Variants in MXI1 observed in about 807,000 individuals in gnomAD.
MXI1 encodes max-interacting protein 1.
In MXI1, 18 loss-of-function variants were observed where a neutral mutation model predicts 36.9. That is an observed-to-expected ratio of 0.49 (90% CI 0.34 to 0.72). MXI1 has a LOEUF of 0.72. Ranked by LOEUF, MXI1 falls within the 30% of genes least tolerant of loss-of-function variation. The probability of loss-of-function intolerance (pLI) is 0.01; values close to 1 mark genes in which losing one functional copy is unlikely to be tolerated. For synonymous variants in MXI1, 160 were observed against 146.7 expected (o/e 1.09, Z -0.65); for missense variants, 304 against 379.1 (o/e 0.80, Z 1.64).
intron 1 of MXI1, among the ~76,000 whole-genome samples, chr10:110,227,168 TG>T (rs1416815735): frequency 3.2e-5 from 1 of 31,618 alleles, no homozygotes; most frequent in African/African-American, 1.3e-4. Flanking sequence ...CGCGCGTGTG[TG>T]GGGAGGGTCG....
At chr10:110,228,050 T>C in intron 1 of MXI1, 139 bp from the exon 2 acceptor site, 1 of 942,804 alleles carries the variant, frequency 1.1e-6, no homozygotes, top group Non-Finnish European at 1.6e-6. Flanking sequence ...ACATTAATTT[T>C]CTAACCAAAA....
intron 3 of MXI1, among the ~76,000 whole-genome samples, chr10:110,260,479 A>G (rs929073499): frequency 2.0e-5 from 3 of 150,770 alleles, no homozygotes; most frequent in Non-Finnish European, 3.0e-5. Context: ...AGATATATAC[A>G]TATATATAAC....
chr10:110,253,761 T>C (rs76786937), intron 3 of MXI1, among the ~76,000 whole-genome samples: 7,979 of 152,098 alleles, frequency 0.052, 319 homozygotes, highest in Middle Eastern at 0.15. Context: ...GAAAGTTTAG[T>C]CAAAATCCCA....
At chr10:110,240,715 G>A (rs1023931321) in intron 2 of MXI1, among the ~76,000 whole-genome samples, 1 of 151,958 alleles carries the variant, frequency 6.6e-6, no homozygotes. Flanking sequence ...CTACATGTAT[G>A]TGTAAGAATT....
intron 3 of MXI1, among the ~76,000 whole-genome samples, chr10:110,267,868 T>C (rs1856728575): frequency 6.6e-6 from 1 of 152,196 alleles, no homozygotes. Flanking sequence ...TAGAAGACAA[T>C]ACAGAATATA....
intron 1 of MXI1, among the ~76,000 whole-genome samples, chr10:110,214,003 T>C (rs1489180902): frequency 6.6e-6 from 1 of 152,250 alleles, no homozygotes; most frequent in Non-Finnish European, 1.5e-5. Flanking sequence ...ATGGATGCAA[T>C]TTTATTACCC....
chr10:110,241,359 A>T (rs1347774892), intron 2 of MXI1, among the ~76,000 whole-genome samples: 2 of 151,982 alleles, frequency 1.3e-5, no homozygotes, highest in Admixed American at 6.6e-5. Context: ...GGTTATTCAG[A>T]ACATCTCAGC....
intron 5 of MXI1, 145 bp downstream of exon 5, chr10:110,280,230 C>T (rs1857183943): frequency 3.7e-6 from 2 of 539,318 alleles, no homozygotes; most frequent in Non-Finnish European, 5.7e-6. Flanking sequence ...ATATTGTCTA[C>T]AGCAGTGCCA....
At chr10:110,215,299 C>T (rs1473391291) in intron 1 of MXI1, among the ~76,000 whole-genome samples, 1 of 152,130 alleles carries the variant, frequency 6.6e-6, no homozygotes, top group East Asian at 1.9e-4. Context: ...CTTGACCTCC[C>T]AAAGTGCTAG....
At chr10:110,231,986 T>TG (rs1174290180) in intron 2 of MXI1, among the ~76,000 whole-genome samples, 8 of 152,006 alleles carry the variant, frequency 5.3e-5, no homozygotes, top group Non-Finnish European at 1.0e-4. Context: ...TTTTTTTTTT[T>TG]GTCTGGTTCT....
intron 2 of MXI1, among the ~76,000 whole-genome samples, chr10:110,234,142 G>C (rs1855373456): frequency 1.3e-5 from 2 of 152,150 alleles, no homozygotes; most frequent in Non-Finnish European, 2.9e-5. Flanking sequence ...AGCAATATAT[G>C]CATCATTGTT....
intron 2 of MXI1, among the ~76,000 whole-genome samples, chr10:110,233,437 T>G (rs1855342981): frequency 6.6e-6 from 1 of 152,154 alleles, no homozygotes; most frequent in Non-Finnish European, 1.5e-5. Context: ...TATCTTCTCT[T>G]TATTCTACGT....
chr10:110,280,795 T>G (rs893922329), intron 5 of MXI1, among the ~76,000 whole-genome samples: 27 of 152,242 alleles, frequency 1.8e-4, no homozygotes, highest in Admixed American at 5.9e-4. Context: ...ATGTAGATTT[T>G]AAAGTACAAC....
intron 1 of MXI1, among the ~76,000 whole-genome samples, chr10:110,222,629 A>G (rs1289615067): frequency 6.6e-6 from 1 of 152,104 alleles, no homozygotes; most frequent in Non-Finnish European, 1.5e-5. Context: ...TGAGAGAGAG[A>G]TATACTTTAG....
intron 1 of MXI1, among the ~76,000 whole-genome samples, chr10:110,215,232 G>A (rs1854608031): frequency 6.6e-6 from 1 of 151,976 alleles, no homozygotes; most frequent in South Asian, 2.1e-4. Context: ...AGTAGAGACA[G>A]GTTTTCACCA....
At chr10:110,247,157 T>C (rs984146113) in intron 3 of MXI1, among the ~76,000 whole-genome samples, 6 of 152,210 alleles carry the variant, frequency 3.9e-5, no homozygotes, top group African/African-American at 1.4e-4. Flanking sequence ...CATTTTTTCA[T>C]GTGTCTTTTG....
Position 110,246,851 on chromosome 10 carries a change from A to C in MXI1, c.437+1994A>C, listed in dbSNP as rs189493182. ...TATTAAAGATCTGGATGGATAAAGG[A>C]AGGACATATCTGGCTATTTTAAACA... On this transcript the variant is annotated intron_variant, in intron 3 of 5. Coordinates refer to ENST00000332674, the MANE Select transcript of MXI1 (RefSeq NM_130439.3). Among the ~76,000 whole-genome samples the C allele has an allele frequency of 9.8e-5, 15 of 152,292 alleles. No individual in the cohort carries two copies. In the East Asian group the frequency reaches 2.9e-3, roughly 29 times the overall value.
At chr10:110,261,035 G>A in intron 3 of MXI1, 4 of 985,060 alleles carry the variant, frequency 4.1e-6, no homozygotes, top group Non-Finnish European at 4.8e-6. Context: ...TGGATGGAGT[G>A]AGCCATATAC....
At chr10:110,246,728 G>A (rs716595) in intron 3 of MXI1, among the ~76,000 whole-genome samples, 13,407 of 152,200 alleles carry the variant, frequency 0.088, 1,105 homozygotes, top group East Asian at 0.29. Context: ...GGATAAAACT[G>A]GAACTCAAAG....
Sources: allele counts gnomAD v4.1 joint callset (sites outside exome capture counted in the v4.1 genomes callset), GRCh38; gene constraint gnomAD v4.1.1; transcripts MANE v1.5; gene names NCBI Gene and HGNC (gene_info 2026-07-23, HGNC 2026-07-21).